The following FAM171A1 variants were observed in gnomAD, a reference collection of about 807,000 sequenced individuals.
FAM171A1 encodes protein FAM171A1.
FAM171A1 carries 23 observed loss-of-function variants against 74.9 expected under a neutral mutation model. The ratio of observed to expected loss-of-function variants is 0.31; its 90% CI spans 0.22 to 0.44. The LOEUF (loss-of-function observed/expected upper bound fraction) is 0.44. Ranked by LOEUF, FAM171A1 falls within the 20% of genes least tolerant of loss-of-function variation. The probability of loss-of-function intolerance (pLI) is 1.00; values close to 1 mark genes in which losing one functional copy is unlikely to be tolerated. For missense variants in FAM171A1, 1,162 were observed against 1,159.2 expected, an observed-to-expected ratio of 1.00 and a Z score of -0.03; for synonymous variants, 527 against 505.7, an observed-to-expected ratio of 1.04 and a Z score of -0.57.
chr10:15,360,992 C>T (rs951491159), intron 1 of FAM171A1, among the ~76,000 whole-genome samples: 2 of 152,108 alleles, frequency 1.3e-5, no homozygotes, highest in African/African-American at 4.8e-5. Context: ...TTACTGGCTA[C>T]AGAGGGTTAT....
intron 1 of FAM171A1, among the ~76,000 whole-genome samples, chr10:15,330,914 A>G (rs1835622351): frequency 6.7e-6 from 1 of 148,418 alleles, no homozygotes; most frequent in Non-Finnish European, 1.5e-5. Flanking sequence ...TTTGAGATGG[A>G]GTCCTCACTG....
At chr10:15,273,060 A>G (rs966492727) in intron 3 of FAM171A1, among the ~76,000 whole-genome samples, 1 of 152,128 alleles carries the variant, frequency 6.6e-6, no homozygotes, top group Non-Finnish European at 1.5e-5. Context: ...ACTGAAGGAG[A>G]TAGAGACACA....
At chr10:15,280,265 G>A (rs1425561233) in intron 2 of FAM171A1, among the ~76,000 whole-genome samples, 1 of 152,142 alleles carries the variant, frequency 6.6e-6, no homozygotes, top group Admixed American at 6.6e-5. Context: ...TTCATCCTGA[G>A]GCCACTGAAG....
intron 1 of FAM171A1, among the ~76,000 whole-genome samples, chr10:15,340,313 C>G (rs1320670581): frequency 6.6e-6 from 1 of 152,092 alleles, no homozygotes; most frequent in Non-Finnish European, 1.5e-5. Flanking sequence ...GCAGATACAC[C>G]AAGGCTGGGG....
At chr10:15,317,584 G>A (rs1270351058) in intron 1 of FAM171A1, among the ~76,000 whole-genome samples, 3 of 151,476 alleles carry the variant, frequency 2.0e-5, no homozygotes, top group Non-Finnish European at 2.9e-5. Flanking sequence ...TAGTAGAGAC[G>A]TGGTTTCACC....
chr10:15,351,858 GC>G (rs1334058421), intron 1 of FAM171A1, among the ~76,000 whole-genome samples: 2 of 151,910 alleles, frequency 1.3e-5, no homozygotes, highest in Non-Finnish European at 2.9e-5. Context: ...TTCAAGACCA[GC>G]CTGAACAACA....
Position 15,214,340 on chromosome 10 carries a change from C to T in FAM171A1, c.1248G>A (p.Lys416=). The T allele has an allele frequency of 6.2e-7, 1 of 1,612,652 alleles. No homozygotes were observed. Among genetic ancestry groups the T allele is most frequent in the Non-Finnish European group, 8.5e-7 (1 of 1,179,270 alleles). The change falls in exon 8 of 8, where the codon AAG becomes AAA. Residue 416 remains lysine (K), a synonymous_variant. Coordinates refer to ENST00000378116, the MANE Select transcript of FAM171A1 (RefSeq NM_001010924.2). ...GEGDLHTPML[K]LSYSTSQEFS... is the part of the protein sequence containing the mutation. ...ATTCCTGGGAGGTGCTGTAGGAGAG[C>T]TTGAGCATGGGGGTGTGCAGGTCCC...
intron 6 of FAM171A1, among the ~76,000 whole-genome samples, chr10:15,216,337 C>G (rs564081386): frequency 6.6e-6 from 1 of 152,212 alleles, no homozygotes; most frequent in African/African-American, 2.4e-5. Flanking sequence ...TTTGAATACT[C>G]AAAGACAAGA....
In FAM171A1 at chr10:15,273,434, C is replaced by T. The variant is rs193238590; in HGVS notation, c.418+2421G>A. 4.0e-3 allele frequency among the ~76,000 whole-genome samples: 616 copies of T among 152,192 alleles called. 1 individual carries two copies. Among genetic ancestry groups the T allele is most frequent in the African/African-American group, 0.014 (580 of 41,538 alleles). On this transcript the variant is annotated intron_variant, in intron 3 of 7. Transcript: ENST00000378116. ...CAACCAAAGAAAGTCCAGGACCAGA[C>T]GAATTCACAGACGAATTCTACAAGA...
intron 5 of FAM171A1, among the ~76,000 whole-genome samples, chr10:15,238,975 T>G (rs2048417217): frequency 6.6e-6 from 1 of 152,236 alleles, no homozygotes; most frequent in South Asian, 2.1e-4. Flanking sequence ...CTTTATTTAT[T>G]CTTTTTGCCA....
At chr10:15,312,322 CCTGTTGCTT>C (rs1835368598) in intron 1 of FAM171A1, among the ~76,000 whole-genome samples, 1 of 152,068 alleles carries the variant, frequency 6.6e-6, no homozygotes, top group African/African-American at 2.4e-5. Context: ...AGTCTAAAGC[CCTGTTGCTT>C]ACTCGCTGCT....
chr10:15,325,480 C>T lies in FAM171A1; in HGVS notation c.98-41375G>A, dbSNP rs190959207. ...CTACGATGGAGCCACCGTACTCCAGCTTGAGCGACAGAGTGATACTCCATC... is the reference window on the plus strand; with the variant it reads ...CTACGATGGAGCCACCGTACTCCAGTTTGAGCGACAGAGTGATACTCCATC... On this transcript the variant is annotated intron_variant, in intron 1 of 7. Transcript: ENST00000378116. Among the ~76,000 whole-genome samples, 187 of 152,302 alleles carry T rather than the reference C, an allele frequency of 1.2e-3. 1 individual carries two copies. Among genetic ancestry groups the T allele is most frequent in the African/African-American group, 4.5e-3 (185 of 41,570 alleles).
chr10:15,348,075 T>A (rs961454161), intron 1 of FAM171A1, among the ~76,000 whole-genome samples: 3 of 152,052 alleles, frequency 2.0e-5, no homozygotes, highest in Non-Finnish European at 4.4e-5. Context: ...CTTTCTGGGT[T>A]CAAGCGAGTC....
intron 4 of FAM171A1, among the ~76,000 whole-genome samples, chr10:15,250,180 G>A (rs986261595): frequency 2.0e-5 from 3 of 152,080 alleles, no homozygotes; most frequent in Admixed American, 6.6e-5. Flanking sequence ...ATTCATACCC[G>A]TCTGTTTTTT....
Position 15,256,847 on chromosome 10 carries a change from G to A in FAM171A1, c.419-1968C>T, listed in dbSNP as rs1043521345. ...TCTCCCCCTTGCCCACACACATGGC[G>A]CACAGCTTGCTTTTCTTCTCCCTTT... On this transcript the variant is annotated intron_variant, in intron 3 of 7. Transcript: ENST00000378116. Among the ~76,000 whole-genome samples the A allele has an allele frequency of 6.6e-5, 10 of 152,246 alleles. 1 individual carries two copies. Among genetic ancestry groups the A allele is most frequent in the South Asian group, 4.2e-4 (2 of 4,812 alleles).
intron 3 of FAM171A1, among the ~76,000 whole-genome samples, chr10:15,269,848 G>A (rs1834798961): frequency 6.6e-6 from 1 of 152,152 alleles, no homozygotes; most frequent in Admixed American, 6.5e-5. Context: ...TGCCTCACAG[G>A]GAAAATAGAT....
intron 1 of FAM171A1, among the ~76,000 whole-genome samples, chr10:15,334,834 T>C (rs567526800): frequency 2.4e-4 from 36 of 152,256 alleles, no homozygotes; most frequent in Non-Finnish European, 3.7e-4. Context: ...ATACACTTTA[T>C]GCTACAGAAA....
chr10:15,275,191 T>C (rs1834877871), intron 3 of FAM171A1, among the ~76,000 whole-genome samples: 1 of 152,160 alleles, frequency 6.6e-6, no homozygotes, highest in Non-Finnish European at 1.5e-5. Context: ...ACATGGCACA[T>C]GTATACAGAT....
intron 3 of FAM171A1, among the ~76,000 whole-genome samples, chr10:15,267,601 CAAAAAAAAAAA>C (rs71390026): frequency 3.7e-5 from 2 of 53,346 alleles, no homozygotes; most frequent in African/African-American, 1.8e-4. Flanking sequence ...GACACCATCG[CAAAAAAAAAAA>C]AAAAAAAAAA....
Sources: allele counts gnomAD v4.1 joint callset (sites outside exome capture counted in the v4.1 genomes callset), GRCh38; gene constraint gnomAD v4.1.1; transcripts MANE v1.5; gene names NCBI Gene and HGNC (gene_info 2026-07-23, HGNC 2026-07-21).